Variants in RSRC1 observed in about 807,000 individuals in gnomAD.
RSRC1 encodes arginine and serine rich coiled-coil 1.
RSRC1 carries 39 observed loss-of-function variants against 49.1 expected under a neutral mutation model. That is an observed-to-expected ratio of 0.79 (90% confidence interval 0.61 to 1.04). The LOEUF is 1.04. Among genes scored for constraint, RSRC1 ranks in the 50% least tolerant of loss-of-function variants. The pLI, the probability that RSRC1 is intolerant of heterozygous loss-of-function variation, is 0.00. For synonymous variants in RSRC1, 143 were observed against 130.8 expected (o/e 1.09, Z -0.63); for missense variants, 388 against 402.4 (o/e 0.96, Z 0.31).
chr3:158,492,229 T>C (rs949780762), intron 7 of RSRC1, among the ~76,000 whole-genome samples: 1 of 152,134 alleles, frequency 6.6e-6, no homozygotes, highest in African/African-American at 2.4e-5. Flanking sequence ...TTCAGTTACC[T>C]CCCACCAGGT....
At chr3:158,178,369 C>A (rs1201011339) in intron 3 of RSRC1, among the ~76,000 whole-genome samples, 1 of 152,098 alleles carries the variant, frequency 6.6e-6, no homozygotes, top group Non-Finnish European at 1.5e-5. Context: ...CAATCTCTGG[C>A]CTCAAGTGAT....
At chr3:158,435,838 A>G (rs555810179) in intron 6 of RSRC1, among the ~76,000 whole-genome samples, 1 of 151,878 alleles carries the variant, frequency 6.6e-6, no homozygotes, top group South Asian at 2.1e-4. Context: ...TTTAACTAGA[A>G]GATGTGTGTT....
At chr3:158,440,031 C>A (rs1736294682) in intron 6 of RSRC1, among the ~76,000 whole-genome samples, 4 of 151,014 alleles carry the variant, frequency 2.6e-5, no homozygotes, top group Admixed American at 2.0e-4. Flanking sequence ...TGCTTAAAAT[C>A]TGGATGATGG....
chr3:158,115,909 C>T (rs1375006802), intron 1 of RSRC1, among the ~76,000 whole-genome samples: 1 of 152,064 alleles, frequency 6.6e-6, no homozygotes, highest in African/African-American at 2.4e-5. Context: ...TTTTTGAAAC[C>T]ATATGGATAA....
chr3:158,366,559 A>G (rs965717505), intron 6 of RSRC1, among the ~76,000 whole-genome samples: 13 of 152,098 alleles, frequency 8.5e-5, no homozygotes, highest in Admixed American at 7.2e-4. Context: ...GCCTTGTATT[A>G]TAGTTTGAAG....
intron 6 of RSRC1, among the ~76,000 whole-genome samples, chr3:158,384,718 C>T (rs1732875819): frequency 6.6e-6 from 1 of 152,152 alleles, no homozygotes. Context: ...CACTGTCAAA[C>T]TACAGATCAG....
intron 6 of RSRC1, among the ~76,000 whole-genome samples, chr3:158,457,732 T>G (rs962250402): frequency 4.1e-4 from 30 of 73,284 alleles, no homozygotes; most frequent in South Asian, 1.3e-3. Flanking sequence ...TGTTTTGTGT[T>G]TTTTTTTGTT....
At chr3:158,384,866 G>A (rs1029164008) in intron 6 of RSRC1, among the ~76,000 whole-genome samples, 4 of 152,040 alleles carry the variant, frequency 2.6e-5, no homozygotes, top group African/African-American at 9.7e-5. Context: ...AGTTTATCAA[G>A]CAGGTCAGGG....
chr3:158,196,902 C>A (rs916257790), intron 3 of RSRC1, among the ~76,000 whole-genome samples: 8 of 152,088 alleles, frequency 5.3e-5, no homozygotes, highest in African/African-American at 1.4e-4. Context: ...ATTCGGTTTG[C>A]CAGTATTTTA....
At chr3:158,238,608 A>C (rs564553760) in intron 4 of RSRC1, among the ~76,000 whole-genome samples, 13 of 152,306 alleles carry the variant, frequency 8.5e-5, no homozygotes, top group East Asian at 3.9e-4. Context: ...CAAAAACAAG[A>C]AATGGGGAAA....
chr3:158,348,080 A>G (rs1226905450), intron 5 of RSRC1, among the ~76,000 whole-genome samples: 2 of 152,138 alleles, frequency 1.3e-5, no homozygotes, highest in African/African-American at 2.4e-5. Context: ...TTTTTGAAAC[A>G]TTGCACATCT....
chr3:158,470,361 C>CACACATATATATAT (rs756776025), intron 7 of RSRC1, among the ~76,000 whole-genome samples: 1 of 100,310 alleles, frequency 1.0e-5, no homozygotes, highest in Non-Finnish European at 2.3e-5. Flanking sequence ...CACACACACA[C>CACACATATATATAT]ATATATATAT....
intron 3 of RSRC1, among the ~76,000 whole-genome samples, chr3:158,135,051 C>T (rs544962439): frequency 2.0e-5 from 3 of 152,164 alleles, no homozygotes; most frequent in African/African-American, 7.2e-5. Flanking sequence ...CATAATACCC[C>T]TAAATTCCTT....
intron 4 of RSRC1, among the ~76,000 whole-genome samples, chr3:158,273,384 A>G (rs1725629081): frequency 6.6e-6 from 1 of 152,134 alleles, no homozygotes; most frequent in Admixed American, 6.5e-5. Context: ...TGTGGAAATA[A>G]GCTAAATATC....
intron 3 of RSRC1, among the ~76,000 whole-genome samples, chr3:158,194,517 A>G (rs1217724380): frequency 7.3e-6 from 1 of 136,412 alleles, no homozygotes; most frequent in African/African-American, 2.8e-5. Flanking sequence ...TTAATTATAC[A>G]TTAAGTTTTA....
chr3:158,145,963 G>T (rs1288821424), intron 3 of RSRC1, among the ~76,000 whole-genome samples: 2 of 152,072 alleles, frequency 1.3e-5, no homozygotes, highest in African/African-American at 4.8e-5. Context: ...TGCTTGTGAT[G>T]TTTGCACATT....
At chr3:158,425,783 T>A (rs1184746707) in intron 6 of RSRC1, among the ~76,000 whole-genome samples, 1 of 152,004 alleles carries the variant, frequency 6.6e-6, no homozygotes, top group African/African-American at 2.4e-5. Flanking sequence ...TGGGTGCATA[T>A]ATTTAGGATA....
At chr3:158,247,853 C>T (rs530662477) in intron 4 of RSRC1, among the ~76,000 whole-genome samples, 1 of 152,264 alleles carries the variant, frequency 6.6e-6, no homozygotes, top group East Asian at 1.9e-4. Flanking sequence ...TCCCTTAGCT[C>T]TATGTCACTC....
At position 158,427,728 on chromosome 3, in the gene RSRC1, C is replaced by T. The variant is rs548769408; in HGVS notation, c.584-33207C>T. Among the ~76,000 whole-genome samples the T allele has an allele frequency of 2.6e-5, 4 of 151,438 alleles. No individual in the cohort carries two copies. The South Asian group carries it at 8.3e-4, about 32-fold the overall frequency. Reference sequence around the variant, plus strand: ...TATATCACATAAATTTATTTTTATTCTGCTTTTTTGCATCTAGTTTTCTAT... The same window carrying T: ...TATATCACATAAATTTATTTTTATTTTGCTTTTTTGCATCTAGTTTTCTAT... On this transcript the variant is annotated intron_variant, in intron 6 of 9. Transcript: ENST00000611884.
Sources: gnomAD v4.1 joint callset for allele counts (sites outside exome capture counted in the v4.1 genomes callset) on GRCh38, gnomAD v4.1.1 for gene constraint, MANE v1.5 for transcripts, NCBI Gene and HGNC (gene_info 2026-07-23, HGNC 2026-07-21) for gene names.